SGCZ: variants seen among roughly 807,000 people sequenced by gnomAD.
SGCZ encodes the protein sarcoglycan zeta.
Under a neutral mutation model 41.3 loss-of-function variants are expected in SGCZ, and 40 were observed. The observed-to-expected ratio is 0.97, with a 90% CI of 0.75 to 1.26. The LOEUF (loss-of-function observed/expected upper bound fraction) is 1.26, where lower values mean the gene tolerates loss of function less well. Among genes scored for constraint, SGCZ ranks in the 50% most tolerant of loss-of-function variants. The pLI, the probability that SGCZ is intolerant of heterozygous loss-of-function variation, is 0.00. For synonymous variants in SGCZ, 206 were observed against 137.5 expected (o/e 1.50, Z -3.49); for missense variants, 552 against 369.8 (o/e 1.49, Z -4.04).
chr8:14,598,467 TG>T (rs918956126), intron 1 of SGCZ, among the ~76,000 whole-genome samples: 10 of 150,276 alleles, frequency 6.7e-5, no homozygotes, highest in African/African-American at 2.2e-4. Context: ...GTAGTAGAGA[TG>T]GGGTTTTATC....
At chr8:14,442,330 A>T (rs2117373021) in intron 2 of SGCZ, among the ~76,000 whole-genome samples, 1 of 151,566 alleles carries the variant, frequency 6.6e-6, no homozygotes, top group East Asian at 1.9e-4. Flanking sequence ...CCTTGCACAC[A>T]CTCTCTTGCC....
chr8:15,200,653 T>G (rs1585667312), intron 1 of SGCZ, among the ~76,000 whole-genome samples: 1 of 152,276 alleles, frequency 6.6e-6, no homozygotes, highest in Non-Finnish European at 1.5e-5. Context: ...TCTATAACAT[T>G]AGTGAGAGCC....
At chr8:15,188,895 A>T (rs1800437315) in intron 1 of SGCZ, among the ~76,000 whole-genome samples, 1 of 152,168 alleles carries the variant, frequency 6.6e-6, no homozygotes, top group Non-Finnish European at 1.5e-5. Flanking sequence ...GGAAAAAAAG[A>T]AGAAAGAAGC....
intron 1 of SGCZ, among the ~76,000 whole-genome samples, chr8:15,193,812 T>C (rs140997322): frequency 6.6e-6 from 1 of 152,328 alleles, no homozygotes; most frequent in African/African-American, 2.4e-5. Context: ...ATCAATAATT[T>C]AGCCAAAGCA....
chr8:14,193,567 G>T (rs1044478969), intron 4 of SGCZ, among the ~76,000 whole-genome samples: 1 of 152,068 alleles, frequency 6.6e-6, no homozygotes, highest in East Asian at 1.9e-4. Flanking sequence ...ATTTCAGGCT[G>T]CTCTCTACAA....
In SGCZ at chr8:14,265,915, T is replaced by C. The variant is rs200410878; in HGVS notation, c.337-28236A>G. ...AACTAGTGAAGTCAGGGAGAGGAGA[T>C]TTGAAAACACACAGTCAGAAAAAAA... On this transcript the variant is annotated intron_variant, in intron 3 of 7. Coordinates refer to ENST00000382080, the MANE Select transcript of SGCZ (RefSeq NM_139167.4). Among the ~76,000 whole-genome samples, 3 of 151,194 alleles carry C rather than the reference T, an allele frequency of 2.0e-5. No individual in the cohort carries two copies. In the East Asian group the frequency reaches 5.9e-4, roughly 30 times the overall value.
chr8:14,218,873 T>C (rs1041178311), intron 4 of SGCZ, among the ~76,000 whole-genome samples: 1 of 152,154 alleles, frequency 6.6e-6, no homozygotes, highest in Non-Finnish European at 1.5e-5. Flanking sequence ...ATGAGGACTT[T>C]GGAGGCCAGC....
chr8:14,255,769 T>C (rs557265186), intron 3 of SGCZ, among the ~76,000 whole-genome samples: 37 of 152,214 alleles, frequency 2.4e-4, no homozygotes, highest in South Asian at 1.5e-3. Flanking sequence ...ATGAGAAATA[T>C]ATTCATATAA....
chr8:14,668,918 T>TTGTG (rs60932690), intron 1 of SGCZ, among the ~76,000 whole-genome samples: 4 of 151,176 alleles, frequency 2.6e-5, no homozygotes, highest in African/African-American at 9.7e-5. Context: ...AGTTATTTTC[T>TTGTG]TGTGTGTGTG....
chr8:14,994,899 G>C (rs964077975), intron 1 of SGCZ, among the ~76,000 whole-genome samples: 2 of 152,164 alleles, frequency 1.3e-5, no homozygotes, highest in Non-Finnish European at 2.9e-5. Context: ...AAAACTGTCT[G>C]CCAACAAATT....
intron 1 of SGCZ, among the ~76,000 whole-genome samples, chr8:14,699,973 CAGAGA>C (rs1304346217): frequency 2.0e-5 from 3 of 151,830 alleles, no homozygotes; most frequent in African/African-American, 7.3e-5. Context: ...GGCGAGGTTG[CAGAGA>C]AAAGGGAACT....
At chr8:14,208,454 A>G (rs1805689295) in intron 4 of SGCZ, among the ~76,000 whole-genome samples, 1 of 152,198 alleles carries the variant, frequency 6.6e-6, no homozygotes, top group Admixed American at 6.5e-5. Flanking sequence ...GAGGAACCAA[A>G]AAGGAAAAAA....
chr8:14,784,840 T>C (rs939995569), intron 1 of SGCZ, among the ~76,000 whole-genome samples: 1 of 141,520 alleles, frequency 7.1e-6, no homozygotes, highest in Non-Finnish European at 1.5e-5. Context: ...AGGCAGAGGT[T>C]GTGGTGAGCC....
intron 4 of SGCZ, 152 bp from the exon 5 acceptor site, chr8:14,164,854 C>G (rs928931930): frequency 1.9e-6 from 2 of 1,051,002 alleles, no homozygotes; most frequent in South Asian, 1.7e-5. Context: ...TAAATTGTCA[C>G]CATTTTCAGG....
At position 14,436,878 on chromosome 8, in the gene SGCZ, G is replaced by C. The variant is rs530860067; in HGVS notation, c.235-112674C>G. The stretch of plus-strand genomic sequence containing the variant: ...AAAACTGACAAAATATGGTTATTCA[G>C]GCTTGGGATTTTATTAGAAATTTTC... On this transcript the variant is annotated intron_variant, in intron 2 of 7. Transcript: ENST00000382080. 5.7e-4 allele frequency among the ~76,000 whole-genome samples: 87 copies of C among 152,224 alleles called. 2 individuals are homozygous for C. The highest frequency in any genetic ancestry group is 1.0e-4 in the Non-Finnish European group (7 of 68,022).
At chr8:14,343,448 G>GA (rs1467324004) in intron 2 of SGCZ, among the ~76,000 whole-genome samples, 2 of 152,288 alleles carry the variant, frequency 1.3e-5, no homozygotes, top group East Asian at 1.9e-4. Flanking sequence ...AAGATCCTGG[G>GA]AAAAAGAGAG....
intron 1 of SGCZ, among the ~76,000 whole-genome samples, chr8:15,215,622 G>T (rs1156296775): frequency 1.3e-5 from 2 of 152,144 alleles, no homozygotes; most frequent in Non-Finnish European, 2.9e-5. Context: ...AGCACAAGGG[G>T]AGAAGTAAAT....
At chr8:14,827,291 C>A (rs1802366712) in intron 1 of SGCZ, among the ~76,000 whole-genome samples, 1 of 143,636 alleles carries the variant, frequency 7.0e-6, no homozygotes, top group Admixed American at 7.2e-5. Context: ...GGCTGGAGGG[C>A]AGTGACGCCA....
chr8:14,895,337 A>T (rs1455892953), intron 1 of SGCZ, among the ~76,000 whole-genome samples: 4 of 152,102 alleles, frequency 2.6e-5, no homozygotes, highest in African/African-American at 9.7e-5. Context: ...AGCTGTGAAG[A>T]TCGAATGAGT....
Sources: allele counts gnomAD v4.1 joint callset (sites outside exome capture counted in the v4.1 genomes callset), GRCh38; gene constraint gnomAD v4.1.1; transcripts MANE v1.5; gene names NCBI Gene and HGNC (gene_info 2026-07-23, HGNC 2026-07-21).